CAPN14: variants seen among roughly 807,000 people sequenced by gnomAD.
CAPN14 encodes calpain 14.
Under a neutral mutation model 101.3 loss-of-function variants are expected in CAPN14, and 94 were observed. The ratio of observed to expected loss-of-function variants is 0.93; its 90% CI spans 0.79 to 1.10. The LOEUF (loss-of-function observed/expected upper bound fraction) is 1.10, where lower values mean the gene tolerates loss of function less well. Ranked by LOEUF, CAPN14 falls within the 50% of genes least tolerant of loss-of-function variation. The pLI is 0.00. For missense variants in CAPN14, 837 were observed against 828.4 expected, an observed-to-expected ratio of 1.01 and a Z score of -0.13; for synonymous variants, 338 against 317.9, an observed-to-expected ratio of 1.06 and a Z score of -0.67.
Position 31,176,567 on chromosome 2 carries a change from C to T in CAPN14, c.2028+20G>A, listed in dbSNP as rs1281780596. 2.6e-6 allele frequency: 4 copies of T among 1,550,150 alleles called. No homozygotes were observed. The South Asian group carries it at 4.8e-5, about 18-fold the overall frequency. On this transcript the variant is annotated intron_variant, in intron 21 of 21. Coordinates refer to ENST00000403897, the MANE Select transcript of CAPN14 (RefSeq NM_001145122.2). ...CTCTACGTAAGATGACATGAGCCACCTCCTTGGGGCAAGTCTTACCTCTGG... is the reference window on the plus strand; with the variant it reads ...CTCTACGTAAGATGACATGAGCCACTTCCTTGGGGCAAGTCTTACCTCTGG...
At chr2:31,205,075 AC>A (rs1235167306) in intron 2 of CAPN14, 147 bp downstream of exon 2, 1 of 666,432 alleles carries the variant, frequency 1.5e-6, no homozygotes, top group African/African-American at 1.8e-5. Context: ...AACCTCCTAC[AC>A]ATCTGGTGTT....
chr2:31,229,155 C>G (rs1683110689), intron 1 of CAPN14, among the ~76,000 whole-genome samples: 2 of 152,084 alleles, frequency 1.3e-5, no homozygotes, highest in African/African-American at 2.4e-5. Flanking sequence ...GGACAACACA[C>G]AGTAGATTCA....
chr2:31,214,148 C>T (rs574605381), intron 1 of CAPN14, among the ~76,000 whole-genome samples: 2 of 152,232 alleles, frequency 1.3e-5, no homozygotes, highest in South Asian at 4.2e-4. Context: ...CACATAATAC[C>T]ATGAATAAAC....
chr2:31,195,378 G>A (rs1319976555), intron 8 of CAPN14, among the ~76,000 whole-genome samples: 5 of 152,108 alleles, frequency 3.3e-5, no homozygotes, highest in African/African-American at 7.2e-5. Flanking sequence ...ACTCTGCCAC[G>A]TACGCTGGAG....
At chr2:31,206,036 TTA>T (rs1491380575) in intron 1 of CAPN14, among the ~76,000 whole-genome samples, 1,647 of 119,248 alleles carry the variant, frequency 0.014, 66 homozygotes, top group African/African-American at 0.046. Context: ...TTTTATTTAT[TTA>T]TTTTTTTTTT....
In CAPN14 at chr2:31,228,652, G is replaced by A. The variant is rs185072232; in HGVS notation, c.-176-2001C>T. ...GTTTATTAAACAGCTTCTTAAATAGGATATAAGGCAGTGCCATGTAGTGGA... is the reference window on the plus strand; with the variant it reads ...GTTTATTAAACAGCTTCTTAAATAGAATATAAGGCAGTGCCATGTAGTGGA... On this transcript the variant is annotated intron_variant and NMD_transcript_variant, in intron 1 of 21. Transcript: ENST00000398824. 1.6e-3 allele frequency among the ~76,000 whole-genome samples: 239 copies of A among 152,238 alleles called. 3 individuals carry two copies. The highest frequency in any genetic ancestry group is 5.4e-3 in the African/African-American group (223 of 41,542).
chr2:31,201,996 GA>G lies in CAPN14; in HGVS notation c.416del (p.Phe139SerfsTer11). On this transcript the variant is annotated frameshift_variant and splice_region_variant, in exon 5 of 22. Coordinates refer to ENST00000403897, the MANE Select transcript of CAPN14 (RefSeq NM_001145122.2). LOFTEE classifies it high-confidence loss of function. The stretch of plus-strand genomic sequence containing the variant: ...CAGGAACCCAGTTCCCATAGTGCCA[GA>G]ACTGGAGGGAGAGAGTGGCCCCGGG... ...EKYAGIFRFW[F>X]WHYGNWVPVV... 6.4e-7 allele frequency: 1 copy of G among 1,551,656 alleles called. No homozygotes were observed. The highest frequency in any genetic ancestry group is 8.7e-7 in the Non-Finnish European group (1 of 1,146,936).
At chr2:31,209,562 G>T (rs1390253747) in intron 1 of CAPN14, among the ~76,000 whole-genome samples, 1 of 152,110 alleles carries the variant, frequency 6.6e-6, no homozygotes, top group Admixed American at 6.5e-5. Context: ...CCTGTATACA[G>T]GCAGGGTTTC....
chr2:31,193,788 C>T (rs1343187286), intron 9 of CAPN14, among the ~76,000 whole-genome samples: 1 of 152,172 alleles, frequency 6.6e-6, no homozygotes, highest in Non-Finnish European at 1.5e-5. Context: ...ATTTGCAGAG[C>T]TTGAGTTCAG....
At chr2:31,186,363 C>A in intron 16 of CAPN14, 65 bp downstream of exon 16, 1 of 1,202,242 alleles carries the variant, frequency 8.3e-7, no homozygotes. Context: ...GAAAGAGAAA[C>A]AAAGCCAGAG....
intron 2 of CAPN14, among the ~76,000 whole-genome samples, chr2:31,224,333 C>A (rs953443443): frequency 3.9e-5 from 6 of 151,978 alleles, no homozygotes; most frequent in African/African-American, 1.2e-4. Context: ...TCTGTTAAAG[C>A]TGAGAAGATA....
At chr2:31,206,786 C>T (rs1235053322) in intron 1 of CAPN14, among the ~76,000 whole-genome samples, 3 of 152,192 alleles carry the variant, frequency 2.0e-5, no homozygotes, top group African/African-American at 4.8e-5. Flanking sequence ...TTTCATTTTA[C>T]AGTTGCAAAA....
At chr2:31,188,386 G>C (rs1431507045) in intron 13 of CAPN14, 32 bp from the exon 14 acceptor site, 2 of 1,550,280 alleles carry the variant, frequency 1.3e-6, no homozygotes, top group South Asian at 1.2e-5. Flanking sequence ...CAAACTCAGA[G>C]TTTCCTCTTG....
intron 21 of CAPN14, among the ~76,000 whole-genome samples, chr2:31,175,814 G>T (rs1369898758): frequency 6.6e-6 from 1 of 152,174 alleles, no homozygotes; most frequent in Non-Finnish European, 1.5e-5. Context: ...GCAGAGGAAG[G>T]GTTGCAGAAT....
chr2:31,201,339 T>C (rs1681770141), intron 5 of CAPN14, among the ~76,000 whole-genome samples: 1 of 152,136 alleles, frequency 6.6e-6, no homozygotes, highest in African/African-American at 2.4e-5. Flanking sequence ...CATATTGCAG[T>C]TGTGTCGTTG....
chr2:31,221,077 G>C (rs1437294812), upstream of CAPN14, among the ~76,000 whole-genome samples: 1 of 152,084 alleles, frequency 6.6e-6, no homozygotes, highest in African/African-American at 2.4e-5. Context: ...TAAATTCCAA[G>C]ACCTAAGTTA....
Position 31,197,315 on chromosome 2 carries a change from G to C in CAPN14, c.809C>G (p.Pro270Arg), listed in dbSNP as rs767818823. The change falls in exon 8 of 22, where the codon CCT (proline) becomes CGT (arginine). Residue 270 changes from proline to arginine, a missense_variant. Physicochemically the swap from Pro to Arg is moderately radical, Grantham distance 103. Transcript: ENST00000403897. ...GTTCCGTAGCTTGACGAGATATTCA[G>C]GTCTATGTTTGCAGGTCACCTGCAT... ...GIRKVTCKHR[P>R]EYLVKLRNPW... The C allele has an allele frequency of 6.4e-7, 1 of 1,550,726 alleles. No homozygotes were observed. Among genetic ancestry groups the C allele is most frequent in the South Asian group, 1.2e-5 (1 of 84,020 alleles).
intron 2 of CAPN14, among the ~76,000 whole-genome samples, chr2:31,203,724 A>G (rs1681918405): frequency 1.3e-5 from 2 of 152,142 alleles, no homozygotes; most frequent in Admixed American, 6.5e-5. Context: ...CATGTAGTTT[A>G]GGAGGCTCAC....
At position 31,174,707 on chromosome 2, in the gene CAPN14, A is replaced by G. The variant is rs954760131; in HGVS notation, c.2029T>C (p.Trp677Arg). ...GKGIYLQKPE[W>R]MMMALYS ...CAGGAGTACAGTGCCATCATCATCCACTGGACATGTTGGGAAAGCAAATGA... is the reference window on the plus strand; with the variant it reads ...CAGGAGTACAGTGCCATCATCATCCGCTGGACATGTTGGGAAAGCAAATGA... The change falls in exon 22 of 22, where the codon TGG (tryptophan) becomes CGG (arginine). Residue 677 changes from tryptophan (W) to arginine (R), a missense_variant and splice_region_variant. Coordinates refer to ENST00000403897, the MANE Select transcript of CAPN14 (RefSeq NM_001145122.2). The G allele has an allele frequency of 1.9e-6, 3 of 1,551,500 alleles. No homozygotes were observed. Among genetic ancestry groups the G allele is most frequent in the Admixed American group, 2.0e-5 (1 of 50,976 alleles).
Sources: allele counts gnomAD v4.1 joint callset (sites outside exome capture counted in the v4.1 genomes callset), GRCh38; gene constraint gnomAD v4.1.1; transcripts MANE v1.5; gene names NCBI Gene and HGNC (gene_info 2026-07-23, HGNC 2026-07-21).